SLC24A2: variants seen among roughly 807,000 people sequenced by gnomAD.
SLC24A2 encodes the protein sodium/potassium/calcium exchanger 2.
In SLC24A2, 36 loss-of-function variants were observed where a neutral mutation model predicts 62.0. The ratio of observed to expected loss-of-function variants is 0.58; its 90% CI spans 0.44 to 0.77. SLC24A2 has a LOEUF of 0.77. SLC24A2 is among the 30% of genes least tolerant of loss of function. The pLI is 0.00. For missense variants in SLC24A2, 846 were observed against 817.9 expected, an observed-to-expected ratio of 1.03 and a Z score of -0.42; for synonymous variants, 358 against 294.0, an observed-to-expected ratio of 1.22 and a Z score of -2.23.
At chr9:19,839,309 T>A in the SLC24A2 span, among the ~76,000 whole-genome samples, 1 of 152,128 alleles carries the variant, frequency 6.6e-6, no homozygotes, top group Non-Finnish European at 1.5e-5. Flanking sequence ...TAAACTAGTT[T>A]AACCATTGTG....
intron 2 of SLC24A2, among the ~76,000 whole-genome samples, chr9:19,716,617 A>G (rs1820868280): frequency 6.6e-6 from 1 of 152,178 alleles, no homozygotes; most frequent in African/African-American, 2.4e-5. Context: ...CTTTAGGCCA[A>G]TCATATCTTA....
intron 2 of SLC24A2, among the ~76,000 whole-genome samples, chr9:19,747,795 G>A (rs950951212): frequency 1.3e-5 from 2 of 152,074 alleles, no homozygotes; most frequent in South Asian, 2.1e-4. Flanking sequence ...CCACACACAC[G>A]AAGGCTAACC....
At chr9:19,663,573 C>T (rs1819164920) in intron 2 of SLC24A2, among the ~76,000 whole-genome samples, 1 of 152,030 alleles carries the variant, frequency 6.6e-6, no homozygotes, top group South Asian at 2.1e-4. Context: ...CAGTAAAGGC[C>T]CTGGGTCCAC....
intron 2 of SLC24A2, among the ~76,000 whole-genome samples, chr9:19,784,672 C>T (rs1017167928): frequency 6.6e-6 from 1 of 152,116 alleles, no homozygotes; most frequent in Non-Finnish European, 1.5e-5. Context: ...ATTTTATGCC[C>T]TGAAGGAGAT....
the SLC24A2 span, among the ~76,000 whole-genome samples, chr9:20,059,847 A>T: frequency 2.6e-5 from 4 of 152,074 alleles, no homozygotes; most frequent in Non-Finnish European, 5.9e-5. Context: ...CAATAGAGAA[A>T]ATCAACGAAA....
chr9:20,069,183 T>C, the SLC24A2 span, among the ~76,000 whole-genome samples: 1 of 152,214 alleles, frequency 6.6e-6, no homozygotes, highest in African/African-American at 2.4e-5. Flanking sequence ...ATTAAAATTA[T>C]GTAAATTCAA....
chr9:19,706,791 C>T (rs919848725), intron 2 of SLC24A2, among the ~76,000 whole-genome samples: 5 of 152,162 alleles, frequency 3.3e-5, no homozygotes, highest in African/African-American at 1.2e-4. Context: ...TAAATGCCCA[C>T]AAGAGAAAGC....
At chr9:19,727,768 C>T (rs1334186963) in intron 2 of SLC24A2, among the ~76,000 whole-genome samples, 1 of 152,088 alleles carries the variant, frequency 6.6e-6, no homozygotes, top group Non-Finnish European at 1.5e-5. Context: ...AGTAATTTAC[C>T]TTACATCCCT....
chr9:20,282,189 T>C, the SLC24A2 span, among the ~76,000 whole-genome samples: 56 of 152,284 alleles, frequency 3.7e-4, no homozygotes, highest in African/African-American at 1.3e-3. Flanking sequence ...ATTAGCCAAT[T>C]AGAGTGCCAA....
intron 5 of SLC24A2, among the ~76,000 whole-genome samples, chr9:19,580,072 T>C (rs1452609670): frequency 1.3e-5 from 2 of 152,248 alleles, no homozygotes; most frequent in Non-Finnish European, 2.9e-5. Context: ...TTTTCTGTGC[T>C]ATTGAACAGT....
the SLC24A2 span, among the ~76,000 whole-genome samples, chr9:20,257,897 A>C: frequency 2.6e-5 from 4 of 152,172 alleles, no homozygotes; most frequent in African/African-American, 9.7e-5. Context: ...TGACACTGGC[A>C]TGGTCCCTTA....
At chr9:20,130,825 G>A in the SLC24A2 span, among the ~76,000 whole-genome samples, 2 of 152,104 alleles carry the variant, frequency 1.3e-5, no homozygotes, top group Admixed American at 6.5e-5. Flanking sequence ...CCAGAGCTGT[G>A]TGGGAATGGT....
chr9:20,181,984 T>C, the SLC24A2 span, among the ~76,000 whole-genome samples: 49,465 of 152,076 alleles, frequency 0.33, 8,233 homozygotes, highest in African/African-American at 0.34. Context: ...AACAGACACT[T>C]ATCAAAAGAA....
chr9:19,636,390 C>CCTGTCT (rs1554690449), intron 2 of SLC24A2, among the ~76,000 whole-genome samples: 1 of 66,976 alleles, frequency 1.5e-5, no homozygotes, highest in African/African-American at 7.5e-5. Flanking sequence ...TTTCTTTCTC[C>CCTGTCT]CTCTCTCTCT....
intron 2 of SLC24A2, among the ~76,000 whole-genome samples, chr9:19,698,909 G>C (rs978121971): frequency 1.3e-5 from 2 of 152,176 alleles, no homozygotes; most frequent in African/African-American, 4.8e-5. Context: ...AAGACATGGA[G>C]GCACAGAGAG....
chr9:19,562,622 A>G (rs551109671), intron 7 of SLC24A2, among the ~76,000 whole-genome samples: 152 of 152,218 alleles, frequency 1.0e-3, no homozygotes, highest in African/African-American at 3.6e-3. Flanking sequence ...AGTTTTTCCT[A>G]AAAAAATATG....
chr9:19,834,671 A>C, the SLC24A2 span, among the ~76,000 whole-genome samples: 8 of 152,224 alleles, frequency 5.3e-5, no homozygotes, highest in Admixed American at 2.6e-4. Context: ...ATCCAGGAGA[A>C]CTTCCCCAAT....
the SLC24A2 span, among the ~76,000 whole-genome samples, chr9:19,910,213 C>T: frequency 6.6e-6 from 1 of 152,090 alleles, no homozygotes; most frequent in African/African-American, 2.4e-5. Context: ...TAGTGCCATC[C>T]TATCATCGAA....
the SLC24A2 span, among the ~76,000 whole-genome samples, chr9:19,904,804 G>C: frequency 1.3e-5 from 2 of 152,282 alleles, no homozygotes; most frequent in Admixed American, 6.5e-5. Context: ...CACAGTAGGA[G>C]ATGCAGCTTA....
Sources: allele counts gnomAD v4.1 joint callset (sites outside exome capture counted in the v4.1 genomes callset), GRCh38; gene constraint gnomAD v4.1.1; transcripts MANE v1.5; gene names NCBI Gene and HGNC (gene_info 2026-07-23, HGNC 2026-07-21).